The following AGBL4 variants were observed in gnomAD, a reference collection of about 807,000 sequenced individuals.
AGBL4 encodes cytosolic carboxypeptidase 6.
AGBL4 carries 58 observed loss-of-function variants against 66.4 expected under a neutral mutation model. That is an observed-to-expected ratio of 0.87 (90% CI 0.71 to 1.09). The LOEUF is 1.09. Ranked by LOEUF, AGBL4 falls within the 50% of genes least tolerant of loss-of-function variation. The pLI, the probability that AGBL4 is intolerant of heterozygous loss-of-function variation, is 0.00. For synonymous variants in AGBL4, 234 were observed against 222.9 expected, an observed-to-expected ratio of 1.05 and a Z score of -0.44; for missense variants, 579 against 631.0, an observed-to-expected ratio of 0.92 and a Z score of 0.88.
chr1:49,382,577 A>G (rs1363536200), intron 3 of AGBL4, among the ~76,000 whole-genome samples: 1 of 152,280 alleles, frequency 6.6e-6, no homozygotes, highest in Non-Finnish European at 1.5e-5. Context: ...GAAAGCCTGA[A>G]AGCTTTCCCT....
intron 3 of AGBL4, among the ~76,000 whole-genome samples, chr1:49,355,503 T>C (rs1368465095): frequency 2.0e-5 from 3 of 152,160 alleles, no homozygotes; most frequent in Non-Finnish European, 4.4e-5. Context: ...CTGCTCTCCT[T>C]GATTCCATAT....
intron 3 of AGBL4, among the ~76,000 whole-genome samples, chr1:49,437,043 T>C (rs978418344): frequency 6.6e-6 from 1 of 152,104 alleles, no homozygotes; most frequent in African/African-American, 2.4e-5. Context: ...GTACAAGGTA[T>C]AGAATTCCAC....
intron 6 of AGBL4, among the ~76,000 whole-genome samples, chr1:48,862,752 C>A (rs1265911698): frequency 6.6e-6 from 1 of 152,202 alleles, no homozygotes; most frequent in Admixed American, 6.5e-5. Context: ...ACATCACTAT[C>A]CCCAAAATGT....
chr1:49,511,421 C>T (rs1294761810), intron 3 of AGBL4, among the ~76,000 whole-genome samples: 3 of 125,112 alleles, frequency 2.4e-5, no homozygotes, highest in South Asian at 5.0e-4. Context: ...CACATGGACA[C>T]AGGAAGGGGA....
intron 3 of AGBL4, among the ~76,000 whole-genome samples, chr1:49,367,245 G>T (rs11800403): frequency 0.049 from 7,385 of 152,220 alleles, 557 homozygotes; most frequent in African/African-American, 0.16. Flanking sequence ...GAGGTATTTG[G>T]GTCATGGGGG....
At chr1:49,938,424 G>A (rs1339500728) in intron 1 of AGBL4, among the ~76,000 whole-genome samples, 2 of 152,130 alleles carry the variant, frequency 1.3e-5, no homozygotes, top group Non-Finnish European at 2.9e-5. Context: ...GGTACAAGGA[G>A]GAACTGGTAC....
At chr1:49,967,715 A>C (rs1003953587) in intron 1 of AGBL4, among the ~76,000 whole-genome samples, 1 of 152,176 alleles carries the variant, frequency 6.6e-6, no homozygotes, top group Non-Finnish European at 1.5e-5. Context: ...AATATGTAAG[A>C]CTATCCTAAC....
chr1:48,933,012 C>G (rs895798404), intron 5 of AGBL4, among the ~76,000 whole-genome samples: 2 of 151,842 alleles, frequency 1.3e-5, no homozygotes, highest in African/African-American at 4.8e-5. Flanking sequence ...TTCCTTTTAC[C>G]TCTTTGTTTA....
Position 48,701,317 on chromosome 1 carries a change from T to C in AGBL4, c.635-38076A>G, listed in dbSNP as rs530429088. Among the ~76,000 whole-genome samples, 19 of 152,366 alleles carry C rather than the reference T, an allele frequency of 1.2e-4. 1 individual carries two copies. The South Asian group carries it at 1.9e-3, about 15-fold the overall frequency. The stretch of plus-strand genomic sequence containing the variant: ...CCACCCTGTGGGGTGGGGACACTGC[T>C]TCCTGGTCCTATCTGTGACTCTGTG... On this transcript the variant is annotated intron_variant, in intron 6 of 13. Coordinates refer to ENST00000371839, the MANE Select transcript of AGBL4 (RefSeq NM_032785.4).
chr1:49,026,573 TA>T (rs1663714713), intron 5 of AGBL4, among the ~76,000 whole-genome samples: 2 of 152,326 alleles, frequency 1.3e-5, no homozygotes, highest in African/African-American at 4.8e-5. Context: ...CTGATGCAGT[TA>T]GTCAATATAC....
At chr1:49,147,589 G>A (rs1646242992) in intron 4 of AGBL4, among the ~76,000 whole-genome samples, 1 of 152,120 alleles carries the variant, frequency 6.6e-6, no homozygotes, top group African/African-American at 2.4e-5. Context: ...GAGGAGAAAA[G>A]TTGCCACCTC....
intron 6 of AGBL4, among the ~76,000 whole-genome samples, chr1:48,677,667 G>C (rs1248302669): frequency 6.6e-6 from 1 of 152,176 alleles, no homozygotes; most frequent in Admixed American, 6.5e-5. Context: ...AAAACCCTGC[G>C]CTCTTCCCTG....
chr1:49,027,865 A>C (rs560459346), intron 5 of AGBL4, among the ~76,000 whole-genome samples: 1 of 152,276 alleles, frequency 6.6e-6, no homozygotes, highest in South Asian at 2.1e-4. Context: ...CAAGATGGGC[A>C]AGACAAGAAG....
chr1:49,233,528 C>T lies in AGBL4; in HGVS notation c.377+12242G>A, dbSNP rs558931068. On this transcript the variant is annotated intron_variant, in intron 4 of 13. Coordinates refer to ENST00000371839, the MANE Select transcript of AGBL4 (RefSeq NM_032785.4). ...AGGCTCTATGACTCCAAAGTCAGTA[C>T]TTTCCCTATTGGACTTCACTGCTTC... 9.2e-5 allele frequency among the ~76,000 whole-genome samples: 14 copies of T among 152,308 alleles called. No homozygotes were observed. The South Asian group carries it at 2.5e-3, about 27-fold the overall frequency.
rs1452101768 is a variant in AGBL4 at position 49,624,133 on chromosome 1, A to T, written c.282+73180T>A. Among the ~76,000 whole-genome samples the T allele has an allele frequency of 2.0e-5, 3 of 152,094 alleles. No homozygotes were observed. The East Asian group carries it at 5.8e-4, about 29-fold the overall frequency. ...ATGTGAGACATTTTAAATTATTATT[A>T]TCATCATCATAATTACCATCATCAC... On this transcript the variant is annotated intron_variant, in intron 3 of 13. Coordinates refer to ENST00000371839, the MANE Select transcript of AGBL4 (RefSeq NM_032785.4).
chr1:48,737,686 A>G (rs985177832), intron 6 of AGBL4, among the ~76,000 whole-genome samples: 1 of 152,246 alleles, frequency 6.6e-6, no homozygotes, highest in African/African-American at 2.4e-5. Context: ...GCAATAAGCT[A>G]TAAGATTTTA....
At chr1:48,765,932 G>A (rs1644506332) in intron 6 of AGBL4, among the ~76,000 whole-genome samples, 1 of 152,192 alleles carries the variant, frequency 6.6e-6, no homozygotes, top group South Asian at 2.1e-4. Context: ...AAGAGTGACT[G>A]CTCAATGGGT....
chr1:49,206,707 C>T (rs1223626187), intron 4 of AGBL4, among the ~76,000 whole-genome samples: 3 of 151,980 alleles, frequency 2.0e-5, no homozygotes, highest in Non-Finnish European at 2.9e-5. Flanking sequence ...ACAAAAAAAT[C>T]AAGTAAAGGA....
chr1:49,838,034 GAAAGAGCTCGTGCCAGGTAGTTCAATA>G (rs1413004127), intron 2 of AGBL4, among the ~76,000 whole-genome samples: 1 of 152,182 alleles, frequency 6.6e-6, no homozygotes, highest in East Asian at 1.9e-4. Flanking sequence ...ATGGGTCAGT[GAAAGAGCTCGTGCCAGGTAGTTCAATA>G]AAAGGAATTT....
Sources: gnomAD v4.1 joint callset for allele counts (sites outside exome capture counted in the v4.1 genomes callset) on GRCh38, gnomAD v4.1.1 for gene constraint, MANE v1.5 for transcripts, NCBI Gene and HGNC (gene_info 2026-07-23, HGNC 2026-07-21) for gene names.